The following DYNC1I1 variants were observed in gnomAD, a reference collection of about 807,000 sequenced individuals.
DYNC1I1 encodes cytoplasmic dynein 1 intermediate chain 1.
DYNC1I1 carries 43 observed loss-of-function variants against 86.6 expected under a neutral mutation model. That is an observed-to-expected ratio of 0.50 (90% CI 0.39 to 0.64). The LOEUF (loss-of-function observed/expected upper bound fraction) is 0.64. Among genes scored for constraint, DYNC1I1 ranks in the 30% least tolerant of loss-of-function variants. The probability of loss-of-function intolerance (pLI) is 0.00; values close to 1 mark genes in which losing one functional copy is unlikely to be tolerated. For synonymous variants in DYNC1I1, 262 were observed against 283.7 expected (o/e 0.92, Z 0.77); for missense variants, 604 against 788.8 (o/e 0.77, Z 2.81).
intron 5 of DYNC1I1, among the ~76,000 whole-genome samples, chr7:95,841,742 G>C (rs560130434): frequency 1.1e-3 from 174 of 152,322 alleles, no homozygotes; most frequent in Non-Finnish European, 1.6e-3. Flanking sequence ...TGCCTGCCCT[G>C]TTGACTTCCA....
chr7:96,042,936 T>C (rs1009959715), intron 14 of DYNC1I1, among the ~76,000 whole-genome samples: 2 of 151,414 alleles, frequency 1.3e-5, no homozygotes, highest in Admixed American at 1.3e-4. Flanking sequence ...CTGAGGCGGG[T>C]GGATCACGAG....
chr7:95,816,191 T>C (rs567373644), intron 4 of DYNC1I1, among the ~76,000 whole-genome samples: 1 of 152,182 alleles, frequency 6.6e-6, no homozygotes, highest in African/African-American at 2.4e-5. Context: ...CTAATTTTTA[T>C]TTTTACTTTT....
chr7:96,110,001 G>A lies in DYNC1I1; in HGVS notation c.1565G>A (p.Trp522Ter). The A allele has an allele frequency of 2.5e-6, 1 of 396,584 alleles. No individual in the cohort carries two copies. 24.6% of individuals were successfully genotyped at this position (396,584 alleles called of 1,614,324 possible). The change falls in exon 17 of 17, where the codon TGG becomes TAG. Residue 522 changes from tryptophan to a stop codon, truncating the protein, a stop_gained. Coordinates refer to the DYNC1I1 transcript ENST00000537881. LOFTEE classifies it high-confidence loss of function. Reference sequence around the variant, plus strand: ...CAGGGTCTTGCTATGTTGCCAGGCTGGTCTCAAAATTCCTGGACTCAAGCA... The same window carrying A: ...CAGGGTCTTGCTATGTTGCCAGGCTAGTCTCAAAATTCCTGGACTCAAGCA...
intron 7 of DYNC1I1, among the ~76,000 whole-genome samples, chr7:95,983,097 G>C (rs1406273776): frequency 6.6e-6 from 1 of 152,230 alleles, no homozygotes; most frequent in East Asian, 1.9e-4. Context: ...TTGCAGGTTG[G>C]TGTCGTAGAG....
chr7:95,902,697 G>A (rs1448351219), intron 6 of DYNC1I1, among the ~76,000 whole-genome samples: 1 of 152,106 alleles, frequency 6.6e-6, no homozygotes, highest in African/African-American at 2.4e-5. Context: ...CATGGGAAAC[G>A]TAGTCGTCTA....
intron 3 of DYNC1I1, 40 bp from the exon 4 acceptor site, chr7:95,813,207 C>T (rs1459297377): frequency 1.2e-6 from 2 of 1,611,988 alleles, no homozygotes; most frequent in Non-Finnish European, 1.7e-6. Context: ...GCAGCCGCTG[C>T]ATTTTTTAAC....
intron 6 of DYNC1I1, among the ~76,000 whole-genome samples, chr7:95,970,363 A>C (rs1213707313): frequency 6.6e-6 from 1 of 151,946 alleles, no homozygotes; most frequent in East Asian, 1.9e-4. Flanking sequence ...ACAAAATCAG[A>C]ATTTGACTCT....
intron 1 of DYNC1I1, among the ~76,000 whole-genome samples, chr7:95,775,594 A>G (rs1793820166): frequency 6.6e-6 from 1 of 152,194 alleles, no homozygotes; most frequent in Non-Finnish European, 1.5e-5. Context: ...GTATAGCCGC[A>G]CTTTTTGCCA....
intron 10 of DYNC1I1, among the ~76,000 whole-genome samples, chr7:96,022,451 G>A (rs1794575638): frequency 6.6e-6 from 1 of 151,926 alleles, no homozygotes; most frequent in South Asian, 2.1e-4. Context: ...CTTTGCTCCA[G>A]GGCACCCCCA....
chr7:96,109,372 C>T, intron 16 of DYNC1I1, among the ~76,000 whole-genome samples: 1 of 146,252 alleles, frequency 6.8e-6, no homozygotes. Context: ...CCTCCCCACA[C>T]CCCACAACAG....
intron 16 of DYNC1I1, among the ~76,000 whole-genome samples, chr7:96,086,647 A>G (rs1790687669): frequency 6.6e-6 from 1 of 152,204 alleles, no homozygotes; most frequent in Non-Finnish European, 1.5e-5. Flanking sequence ...TTCATTACAA[A>G]TTTCAATAAG....
intron 5 of DYNC1I1, among the ~76,000 whole-genome samples, chr7:95,867,725 G>A (rs71564810): frequency 0.18 from 27,151 of 152,056 alleles, 3,075 homozygotes; most frequent in African/African-American, 0.31. Flanking sequence ...GGGCAGTTGA[G>A]GGTTTAGGGT....
At chr7:96,072,685 G>T (rs1274895493) in intron 14 of DYNC1I1, among the ~76,000 whole-genome samples, 1 of 152,146 alleles carries the variant, frequency 6.6e-6, no homozygotes, top group African/African-American at 2.4e-5. Flanking sequence ...GCACAAGCAA[G>T]CTATAACATG....
At chr7:96,052,242 A>C (rs780266338) in intron 14 of DYNC1I1, among the ~76,000 whole-genome samples, 18 of 152,224 alleles carry the variant, frequency 1.2e-4, no homozygotes, top group Non-Finnish European at 2.5e-4. Flanking sequence ...ATAATTTAGA[A>C]ATATAATAAT....
chr7:95,964,677 T>G (rs1205586065), intron 6 of DYNC1I1, among the ~76,000 whole-genome samples: 1 of 152,138 alleles, frequency 6.6e-6, no homozygotes, highest in Non-Finnish European at 1.5e-5. Context: ...GAAGGTCAGA[T>G]AGTAGTCAGT....
intron 6 of DYNC1I1, among the ~76,000 whole-genome samples, chr7:95,966,719 C>T (rs1405061331): frequency 1.3e-5 from 2 of 152,168 alleles, no homozygotes; most frequent in Non-Finnish European, 2.9e-5. Flanking sequence ...AGTGAATAGA[C>T]TGATAGACAT....
chr7:96,061,151 G>T (rs1789753600), intron 14 of DYNC1I1, among the ~76,000 whole-genome samples: 1 of 152,192 alleles, frequency 6.6e-6, no homozygotes, highest in Non-Finnish European at 1.5e-5. Context: ...GGAGGAGATG[G>T]TGAATGCAGC....
At chr7:96,036,345 A>T (rs1584267846) in intron 13 of DYNC1I1, among the ~76,000 whole-genome samples, 3 of 152,330 alleles carry the variant, frequency 2.0e-5, no homozygotes, top group Admixed American at 2.0e-4. Context: ...AGGATACATT[A>T]AAGAACAAGA....
chr7:95,958,265 T>C (rs1392799507), intron 6 of DYNC1I1, among the ~76,000 whole-genome samples: 2 of 152,130 alleles, frequency 1.3e-5, no homozygotes, highest in Non-Finnish European at 2.9e-5. Context: ...TTAAGAAAAT[T>C]ATATGATTAA....
Sources: gnomAD v4.1 joint callset for allele counts (sites outside exome capture counted in the v4.1 genomes callset) on GRCh38, gnomAD v4.1.1 for gene constraint, MANE v1.5 for transcripts, NCBI Gene and HGNC (gene_info 2026-07-23, HGNC 2026-07-21) for gene names.